Variants in ABCA2 observed in about 807,000 individuals in gnomAD.
The protein encoded by ABCA2 is ATP binding cassette subfamily A member 2.
A neutral mutation model predicts 262.8 loss-of-function variants in ABCA2; 84 were observed. The observed-to-expected ratio is 0.32, with a 90% confidence interval of 0.27 to 0.38. The LOEUF is 0.38. ABCA2 is among the 10% of genes least tolerant of loss of function. The pLI is 1.00. For synonymous variants in ABCA2, 1,696 were observed against 1,502.9 expected, an observed-to-expected ratio of 1.13 and a Z score of -2.97; for missense variants, 2,662 against 3,405.9, an observed-to-expected ratio of 0.78 and a Z score of 5.44.
chr9:137,026,495 G>T (rs916718330), intron 1 of ABCA2, among the ~76,000 whole-genome samples: 4 of 152,210 alleles, frequency 2.6e-5, no homozygotes, highest in Admixed American at 1.3e-4. Flanking sequence ...GCCTCCCTGG[G>T]GGAAACAGTT....
intron 20 of ABCA2, 49 bp downstream of exon 20, chr9:137,016,525 A>C: frequency 6.2e-7 from 1 of 1,612,196 alleles, no homozygotes; most frequent in Non-Finnish European, 8.5e-7. Context: ...GCCACCCAGG[A>C]CTCTGAACCC....
At position 137,016,982 on chromosome 9, in the gene ABCA2, A is replaced by G. The variant is rs1430073421; in HGVS notation, c.2696T>C (p.Met899Thr). 6.2e-6 allele frequency: 10 copies of G among 1,612,804 alleles called. No homozygotes were observed. The highest frequency in any genetic ancestry group is 8.5e-6 in the Non-Finnish European group (10 of 1,179,986). ...ATAGACCACGGCGTCCACCATCAGCATGGTGACAGCCAGGAGCAAGTTGAA... is the reference window on the plus strand; with the variant it reads ...ATAGACCACGGCGTCCACCATCAGCGTGGTGACAGCCAGGAGCAAGTTGAA... ...DDFNLLLAVTMLMVDAVVYGI... is the reference protein window; with the variant it reads ...DDFNLLLAVTTLMVDAVVYGI... The change falls in exon 19 of 49, where the codon ATG (methionine) becomes ACG (threonine). Residue 899 changes from methionine to threonine, a missense_variant. By Grantham distance (81) the Met-to-Thr change is moderately conservative. Around this residue, in one of 12 missense-constraint regions of ABCA2, gnomAD observed 188 missense variants for 343.4 expected, o/e 0.55. Transcript: ENST00000341511.
At position 137,020,690 on chromosome 9, in the gene ABCA2, C is replaced by T. The variant is rs1831419983; in HGVS notation, c.1265+4G>A. 1 of 1,599,220 alleles carries T rather than the reference C, an allele frequency of 6.3e-7. No homozygotes were observed. Among genetic ancestry groups the T allele is most frequent in the Non-Finnish European group, 8.5e-7 (1 of 1,179,476 alleles). ...TCACCCCCATTCCCCTGCCGCCCACCTACCGGTTGTTGCCACACAAGATGG... is the reference window on the plus strand; with the variant it reads ...TCACCCCCATTCCCCTGCCGCCCACTTACCGGTTGTTGCCACACAAGATGG... On this transcript the variant is annotated splice_donor_region_variant and intron_variant, in intron 9 of 48. Transcript: ENST00000341511.
At position 137,019,231 on chromosome 9, in the gene ABCA2, G is replaced by A. The variant is rs1417246678; in HGVS notation, c.1501C>T (p.Arg501Cys). ...QVWLNISAEI[R>C]SFLEQGRLQQ... is the part of the protein sequence containing the mutation. Reference sequence around the variant, plus strand: ...AGCCTGCCCTGCTCCAGGAAGCTGCGGATCTCCGCCGAGATGTTGAGCCAG... The same window carrying A: ...AGCCTGCCCTGCTCCAGGAAGCTGCAGATCTCCGCCGAGATGTTGAGCCAG... The change falls in exon 11 of 49, where the codon CGC (arginine) becomes TGC (cysteine). Residue 501 changes from arginine to cysteine, a missense_variant. By Grantham distance (180) the Arg-to-Cys change is radical. Transcript: ENST00000341511. The surrounding 1 kb of genome is among the most constrained non-coding windows in gnomAD (Gnocchi z 4.4). The A allele has an allele frequency of 1.2e-6, 2 of 1,612,648 alleles. No individual in the cohort carries two copies. The highest frequency in any genetic ancestry group is 1.7e-6 in the Non-Finnish European group (2 of 1,179,900).
Position 137,023,968 on chromosome 9 carries a change from G to A in ABCA2, c.161-128C>T, listed in dbSNP as rs1042577930. Reference sequence around the variant, plus strand: ...CATCATCATTCGCGGCCACAGGCCAGCCCCGACCTCCACAGCCCAGCCAGG... The same window carrying A: ...CATCATCATTCGCGGCCACAGGCCAACCCCGACCTCCACAGCCCAGCCAGG... On this transcript the variant is annotated intron_variant, in intron 2 of 48. Coordinates refer to ENST00000341511, the MANE Select transcript of ABCA2 (RefSeq NM_001606.5). 3.9e-5 allele frequency: 59 copies of A among 1,527,804 alleles called. 1 individual carries two copies. The highest frequency in any genetic ancestry group is 8.9e-6 in the Non-Finnish European group (10 of 1,128,842). 94.6% of individuals were successfully genotyped at this position (1,527,804 alleles called of 1,614,324 possible).
At chr9:137,014,663 GC>G (rs1477366577) in intron 26 of ABCA2, 26 bp downstream of exon 26, 1 of 1,597,110 alleles carries the variant, frequency 6.3e-7, no homozygotes, top group African/African-American at 1.3e-5. Flanking sequence ...GGTGGGGTGG[GC>G]TGAGCAAGTG....
intron 19 of ABCA2, 52 bp from the exon 20 acceptor site, chr9:137,016,790 C>T (rs756081565): frequency 9.7e-6 from 15 of 1,539,936 alleles, no homozygotes; most frequent in South Asian, 3.7e-5. Flanking sequence ...GGGTGACCAT[C>T]CACCACGTGG....
intron 1 of ABCA2, 137 bp from the exon 2 acceptor site, chr9:137,024,373 G>T (rs957884397): frequency 4.5e-6 from 3 of 671,368 alleles, no homozygotes; most frequent in Non-Finnish European, 7.5e-6. Context: ...CAGGCCCTTC[G>T]GAACCACTGA....
chr9:137,018,759 G>A lies in ABCA2; in HGVS notation c.1779C>T (p.Thr593=), dbSNP rs779247985. The A allele has an allele frequency of 3.7e-6, 6 of 1,612,294 alleles. No individual in the cohort carries two copies. Among genetic ancestry groups the A allele is most frequent in the South Asian group, 2.2e-5 (2 of 91,058 alleles). Residue 593 remains threonine (T), a synonymous_variant, in exon 13 of 49, where the codon ACC becomes ACT. Transcript: ENST00000341511. ...CGTTGTCCTGGTAGGCCTGGTTGAGGGTGTAGTTGACAATGCTCTCCTCGT... is the reference window on the plus strand; with the variant it reads ...CGTTGTCCTGGTAGGCCTGGTTGAGAGTGTAGTTGACAATGCTCTCCTCGT... ...FPDEESIVNY[T]LNQAYQDNVT...
rs766641245 is a variant in ABCA2 at position 137,013,582 on chromosome 9, A to T, written c.4448-19T>A. 1 of 1,592,772 alleles carries T rather than the reference A, an allele frequency of 6.3e-7. No homozygotes were observed. The highest frequency in any genetic ancestry group is 1.7e-4 in the Middle Eastern group (1 of 6,002). On this transcript the variant is annotated intron_variant, in intron 28 of 48. Transcript: ENST00000341511. The stretch of plus-strand genomic sequence containing the variant: ...AGATCACCTGGCAGGGCGAGCAGGG[A>T]GGCCTGAGCAGGTTCTGCCCTCTGG...
chr9:137,021,653 T>G lies in ABCA2; in HGVS notation c.679-43A>C, dbSNP rs1381330672. 1 of 1,530,794 alleles carries G rather than the reference T, an allele frequency of 6.5e-7. No individual in the cohort carries two copies. Among genetic ancestry groups the G allele is most frequent in the Non-Finnish European group, 8.8e-7 (1 of 1,137,676 alleles). 94.8% of individuals were successfully genotyped at this position (1,530,794 alleles called of 1,614,324 possible). A position where few individuals can be genotyped will look rare whatever the true frequency, so the allele number is the denominator to read the frequency against. On this transcript the variant is annotated intron_variant, in intron 7 of 48. Coordinates refer to ENST00000341511, the MANE Select transcript of ABCA2 (RefSeq NM_001606.5). The surrounding 1 kb of genome is among the most constrained non-coding windows in gnomAD (Gnocchi z 6.0). ...GTCCGTGGAGCCACGGCAAGGACTT[T>G]GTCCCCAACCACTAGGGCCTCAGGC...
Position 137,020,844 on chromosome 9 carries a change from C to T in ABCA2, c.1115G>A (p.Gly372Glu). ...GTTGGGGCCCATGACTGCCCCTGCCCCAGTGCCATTGGCCGCCCCACCCGC... is the reference window on the plus strand; with the variant it reads ...GTTGGGGCCCATGACTGCCCCTGCCTCAGTGCCATTGGCCGCCCCACCCGC... ...SGAGGAANGT[G>E]AGAVMGPNAT... is the part of the protein sequence containing the mutation. The change falls in exon 9 of 49, where the codon GGG (glycine) becomes GAG (glutamate). Residue 372 changes from glycine to glutamate, a missense_variant. Transcript: ENST00000341511. 1 of 1,548,898 alleles carries T rather than the reference C, an allele frequency of 6.5e-7. No individual in the cohort carries two copies. The highest frequency in any genetic ancestry group is 1.2e-5 in the South Asian group (1 of 85,030).
Position 137,018,336 on chromosome 9 carries a change from G to T in ABCA2, c.1835C>A (p.Thr612Asn). Reference sequence around the variant, plus strand: ...AGGCGGGAGCGAGCCGTCCTTCCGGGTCTGGAAGATCACACCTGGGGCCGG... The same window carrying T: ...AGGCGGGAGCGAGCCGTCCTTCCGGTTCTGGAAGATCACACCTGGGGCCGG... ...VTVFASVIFQ[T>N]RKDGSLPPHV... Residue 612 changes from threonine to asparagine, a missense_variant, in exon 14 of 49, where the codon ACC (threonine) becomes AAC (asparagine). This residue lies in a region of ABCA2 where 187 missense variants were observed against 205.9 expected (regional missense o/e 0.91). Transcript: ENST00000341511. 6.3e-7 allele frequency: 1 copy of T among 1,580,046 alleles called. No individual in the cohort carries two copies.
At chr9:137,024,517 CT>C (rs1831585644) in intron 1 of ABCA2, among the ~76,000 whole-genome samples, 1 of 152,246 alleles carries the variant, frequency 6.6e-6, no homozygotes, top group Non-Finnish European at 1.5e-5. Flanking sequence ...AATCGGCCAG[CT>C]TGTGGTCTAC....
rs1588504332 is a variant in ABCA2 at position 137,008,625 on chromosome 9, G to A, written c.7069-3C>T. 2 of 1,605,226 alleles carry A rather than the reference G, an allele frequency of 1.2e-6. No individual in the cohort carries two copies. Among genetic ancestry groups the A allele is most frequent in the East Asian group, 4.5e-5 (2 of 44,620 alleles). ...TTCTTGGCAAAGTTCACGAACACCT[G>A]GTGGGTGGCGCAGGCGTGTGGGGAG... is the stretch of plus-strand genomic sequence containing the variant. On this transcript the variant is annotated splice_polypyrimidine_tract_variant and splice_region_variant and intron_variant, in intron 47 of 48. Transcript: ENST00000341511.
intron 22 of ABCA2, 28 bp downstream of exon 22, chr9:137,015,934 T>TGGGGGGGGGGGGGGGGGGGGGGGGCGG: frequency 1.5e-6 from 1 of 654,352 alleles, no homozygotes; most frequent in Non-Finnish European, 2.1e-6. Context: ...TCCGCCCACC[T>TGGGGGGGGGGGGGGGGGGGGGGGGCGG]GCCCCGCCCC....
At chr9:137,025,611 T>A (rs1187286813) in intron 1 of ABCA2, among the ~76,000 whole-genome samples, 1 of 152,212 alleles carries the variant, frequency 6.6e-6, no homozygotes, top group Non-Finnish European at 1.5e-5. Context: ...ACCCGCTCCC[T>A]GAGCCAGGAC....
Position 137,015,014 on chromosome 9 carries a change from G to A in ABCA2, c.3781C>T (p.His1261Tyr), listed in dbSNP as rs1165518461. The A allele has an allele frequency of 6.2e-7, 1 of 1,605,762 alleles. No homozygotes were observed. Among genetic ancestry groups the A allele is most frequent in the African/African-American group, 1.3e-5 (1 of 74,870 alleles). ...GAGACCAGCAGGCAGGAGGCCACAT[G>A]CTTGCGGATGAACTGGGACACCTGG... The part of the protein sequence containing the change: ...ELQVSQFIRK[H>Y]VASCLLVSDT... Residue 1261 changes from histidine to tyrosine, a missense_variant, in exon 25 of 49, where the codon CAT (histidine) becomes TAT (tyrosine). Physicochemically the swap from His to Tyr is moderately conservative, Grantham distance 83 (BLOSUM62 2). Around this residue, in one of 12 missense-constraint regions of ABCA2, gnomAD observed 297 missense variants for 286.5 expected, o/e 1.04. Coordinates refer to ENST00000341511, the MANE Select transcript of ABCA2 (RefSeq NM_001606.5).
chr9:137,008,909 C>A, intron 46 of ABCA2, 41 bp from the exon 47 acceptor site: 1 of 1,573,534 alleles, frequency 6.4e-7, no homozygotes. Flanking sequence ...CGCCCCCCCA[C>A]CCCGTAGCGC....
Sources: allele counts gnomAD v4.1 joint callset (sites outside exome capture counted in the v4.1 genomes callset), GRCh38; gene constraint gnomAD v4.1.1; regional missense constraint gnomAD v4.1.1; non-coding constraint Gnocchi (gnomAD v3.1); transcripts MANE v1.5; gene names NCBI Gene and HGNC (gene_info 2026-07-23, HGNC 2026-07-21).